Variants in USP34 observed in about 807,000 individuals in gnomAD.
USP34 encodes ubiquitin carboxyl-terminal hydrolase 34.
USP34 carries 70 observed loss-of-function variants against 460.3 expected under a neutral mutation model. The ratio of observed to expected loss-of-function variants is 0.15; its 90% confidence interval spans 0.13 to 0.19. USP34 has a LOEUF of 0.19. USP34 is among the 10% of genes least tolerant of loss of function. The pLI, the probability that USP34 is intolerant of heterozygous loss-of-function variation, is 1.00. For missense variants in USP34, 3,985 were observed against 4,236.2 expected (o/e 0.94, Z 1.65); for synonymous variants, 1,647 against 1,405.3 (o/e 1.17, Z -3.85).
chr2:61,260,918 G>C (rs1056214953), intron 43 of USP34, among the ~76,000 whole-genome samples: 1 of 152,026 alleles, frequency 6.6e-6, no homozygotes. Context: ...TACTTAATGC[G>C]CAATTTTTAA....
chr2:61,453,359 A>T (rs563432230), intron 1 of USP34, among the ~76,000 whole-genome samples: 2 of 151,956 alleles, frequency 1.3e-5, no homozygotes, highest in Non-Finnish European at 2.9e-5. Flanking sequence ...GTTTGCAGTG[A>T]GCCATGGTCA....
At chr2:61,302,405 G>A (rs1690257300) in intron 27 of USP34, among the ~76,000 whole-genome samples, 1 of 152,102 alleles carries the variant, frequency 6.6e-6, no homozygotes, top group Non-Finnish European at 1.5e-5. Flanking sequence ...CTTCCAAGAC[G>A]AGTCATATTG....
chr2:61,254,910 C>CA (rs1688685088), intron 48 of USP34, among the ~76,000 whole-genome samples: 2 of 152,242 alleles, frequency 1.3e-5, no homozygotes, highest in South Asian at 4.1e-4. Flanking sequence ...TGCAATGGCA[C>CA]AATCATGGCT....
intron 1 of USP34, among the ~76,000 whole-genome samples, chr2:61,457,815 T>C (rs1022539496): frequency 6.6e-6 from 1 of 152,044 alleles, no homozygotes; most frequent in Admixed American, 6.6e-5. Flanking sequence ...ATCACTGTAC[T>C]CCAGCCTGAG....
At chr2:61,195,669 C>T (rs1000098966) in intron 75 of USP34, among the ~76,000 whole-genome samples, 1 of 152,080 alleles carries the variant, frequency 6.6e-6, no homozygotes, top group Non-Finnish European at 1.5e-5. Flanking sequence ...CAGACTCTGT[C>T]TCAAACAAAA....
intron 76 of USP34, among the ~76,000 whole-genome samples, chr2:61,191,783 G>A (rs1488803367): frequency 6.6e-6 from 1 of 151,798 alleles, no homozygotes. Flanking sequence ...CCCAAATCAG[G>A]AAGAATGAAA....
chr2:61,382,553 G>A (rs1434717420), intron 6 of USP34, among the ~76,000 whole-genome samples: 1 of 152,056 alleles, frequency 6.6e-6, no homozygotes, highest in Non-Finnish European at 1.5e-5. Context: ...CTGATTCTTT[G>A]CCTGATACTG....
chr2:61,296,175 A>C (rs1572908907), intron 30 of USP34, among the ~76,000 whole-genome samples: 1 of 152,172 alleles, frequency 6.6e-6, no homozygotes, highest in East Asian at 1.9e-4. Context: ...AGGAAGGATC[A>C]CTTGAGCCCT....
At chr2:61,446,180 T>C (rs1375366562) in intron 1 of USP34, among the ~76,000 whole-genome samples, 2 of 151,518 alleles carry the variant, frequency 1.3e-5, no homozygotes, top group Non-Finnish European at 2.9e-5. Context: ...CATTCATTTA[T>C]AAATACTTCA....
At chr2:61,224,804 T>C (rs1446968400) in intron 62 of USP34, among the ~76,000 whole-genome samples, 1 of 152,238 alleles carries the variant, frequency 6.6e-6, no homozygotes, top group East Asian at 1.9e-4. Flanking sequence ...TTATTACCGA[T>C]GCTCAAAGCT....
intron 5 of USP34, among the ~76,000 whole-genome samples, chr2:61,394,307 A>C (rs1422474772): frequency 6.6e-6 from 1 of 152,034 alleles, no homozygotes; most frequent in Non-Finnish European, 1.5e-5. Flanking sequence ...AGTAACCAAT[A>C]ACCTAAAAAG....
chr2:61,434,359 G>A (rs942679190), intron 1 of USP34, among the ~76,000 whole-genome samples: 43 of 152,128 alleles, frequency 2.8e-4, no homozygotes, highest in Non-Finnish European at 2.6e-4. Flanking sequence ...ATCTAGGCTG[G>A]CTGAGCAGTT....
chr2:61,317,898 T>A lies in USP34; in HGVS notation c.3169-131A>T, dbSNP rs913728097. On this transcript the variant is annotated intron_variant, in intron 22 of 79. Coordinates refer to ENST00000398571, the MANE Select transcript of USP34 (RefSeq NM_014709.4). ...CAGTTTGAATTTTTAGTGATAATTT[T>A]AAAAAATAAAAATATATAATAATTT... The A allele has an allele frequency of 2.5e-5, 16 of 628,728 alleles. No individual in the cohort carries two copies. The African/African-American group carries it at 2.6e-4, about 10-fold the overall frequency. The allele number at this position is 628,728 out of a possible 1,614,324, so 38.9% of individuals were successfully genotyped here. A position where few individuals can be genotyped will look rare whatever the true frequency, so the allele number is the denominator to read the frequency against.
chr2:61,359,718 A>G (rs1047093849), intron 10 of USP34, among the ~76,000 whole-genome samples: 1 of 151,996 alleles, frequency 6.6e-6, no homozygotes, highest in Non-Finnish European at 1.5e-5. Flanking sequence ...AACGCTCAAA[A>G]GAACAGGCAT....
chr2:61,220,151 TAAAAAAAAAAAAAA>T (rs60784334), intron 67 of USP34, 145 bp downstream of exon 67: 1,236 of 168,524 alleles, frequency 7.3e-3, no homozygotes, highest in Non-Finnish European at 8.4e-3. Flanking sequence ...TTTCCTATCC[TAAAAAAAAAAAAAA>T]AAAAAAAAAA....
At chr2:61,271,624 G>T (rs971820320) in intron 41 of USP34, among the ~76,000 whole-genome samples, 5 of 151,780 alleles carry the variant, frequency 3.3e-5, no homozygotes, top group Admixed American at 6.6e-5. Flanking sequence ...GAAGGGAGGA[G>T]GAGAAAGAAA....
At chr2:61,349,478 G>A (rs958791849) in intron 12 of USP34, among the ~76,000 whole-genome samples, 193 bp from the exon 13 acceptor site, 15 of 152,272 alleles carry the variant, frequency 9.9e-5, no homozygotes, top group African/African-American at 3.6e-4. Flanking sequence ...GGTAGTATAT[G>A]TTGTCAGGAG....
intron 3 of USP34, among the ~76,000 whole-genome samples, chr2:61,403,141 C>T (rs886694131): frequency 6.6e-6 from 1 of 151,878 alleles, no homozygotes; most frequent in East Asian, 1.9e-4. Flanking sequence ...CAGAATTTTC[C>T]TCGAAGACCT....
rs1467451009 is a variant in USP34, at chr2:61,443,237, T to C, written c.44-22404A>G. On this transcript the variant is annotated intron_variant, in intron 1 of 79. Coordinates refer to ENST00000398571, the MANE Select transcript of USP34 (RefSeq NM_014709.4). ...GTGTTCTACATAACTGTGAAATGAC[T>C]ACAGTTAACAATAATACATTATATA... is the stretch of plus-strand genomic sequence containing the variant. Among the ~76,000 whole-genome samples, 3 of 152,044 alleles carry C rather than the reference T, an allele frequency of 2.0e-5. No individual in the cohort carries two copies. The East Asian group carries it at 5.8e-4, about 29-fold the overall frequency.
Sources: gnomAD v4.1 joint callset for allele counts (sites outside exome capture counted in the v4.1 genomes callset) on GRCh38, gnomAD v4.1.1 for gene constraint, MANE v1.5 for transcripts, NCBI Gene and HGNC (gene_info 2026-07-23, HGNC 2026-07-21) for gene names.